Variants in SCD5 observed in about 807,000 individuals in gnomAD.
SCD5 encodes acyl-CoA-desaturase 4.
SCD5 carries 20 observed loss-of-function variants against 30.4 expected under a neutral mutation model. The observed-to-expected ratio is 0.66, with a 90% CI of 0.46 to 0.96. SCD5 has a LOEUF of 0.96. Among genes scored for constraint, SCD5 ranks in the 40% least tolerant of loss-of-function variants. SCD5 has a pLI of 0.00. For missense variants in SCD5, 381 were observed against 443.3 expected, an observed-to-expected ratio of 0.86 and a Z score of 1.26; for synonymous variants, 173 against 176.4, an observed-to-expected ratio of 0.98 and a Z score of 0.16.
chr4:82,722,071 GTTTA>G (rs1329394350), intron 1 of SCD5, among the ~76,000 whole-genome samples: 1 of 152,194 alleles, frequency 6.6e-6, no homozygotes, highest in Non-Finnish European at 1.5e-5. Flanking sequence ...ACTAAGCAGT[GTTTA>G]TTTATTACTA....
At chr4:82,702,713 T>A (rs1281428592) in intron 2 of SCD5, among the ~76,000 whole-genome samples, 2 of 152,138 alleles carry the variant, frequency 1.3e-5, no homozygotes, top group East Asian at 3.8e-4. Flanking sequence ...AGAGAATCTT[T>A]GAAACTATCT....
rs528841874 is a variant in SCD5, at chr4:82,757,960, T to G, written c.232+40346A>C. Among the ~76,000 whole-genome samples, 4 of 152,364 alleles carry G rather than the reference T, an allele frequency of 2.6e-5. No homozygotes were observed. In the South Asian group the frequency reaches 8.3e-4, roughly 32 times the overall value. ...AGATTATCTTGAAGATGATGTTCAT[T>G]TGGCTGCTCTGGAGAAGTCAAAAAA... On this transcript the variant is annotated intron_variant, in intron 1 of 4. Coordinates refer to ENST00000319540, the MANE Select transcript of SCD5 (RefSeq NM_001037582.3).
chr4:82,694,326 G>A (rs1424280353), intron 2 of SCD5, among the ~76,000 whole-genome samples: 1 of 152,208 alleles, frequency 6.6e-6, no homozygotes, highest in East Asian at 1.9e-4. Flanking sequence ...GTTCCCTTCT[G>A]CTGGGCGGAG....
intron 2 of SCD5, chr4:82,691,834 G>A (rs143782009): frequency 2.0e-5 from 3 of 153,118 alleles, no homozygotes; most frequent in African/African-American, 7.2e-5. Context: ...TGGTGCTGTA[G>A]ATCCCGCAGT....
Position 82,630,267 on chromosome 4 carries a change from A to G in SCD5, c.*1060T>C, listed in dbSNP as rs1006701145. 2 of 152,242 alleles carry G rather than the reference A, an allele frequency of 1.3e-5. No individual in the cohort carries two copies. Among genetic ancestry groups the G allele is most frequent in the Non-Finnish European group, 2.9e-5 (2 of 68,038 alleles). The allele number at this position is 152,242 out of a possible 1,614,324, so 9.4% of individuals were successfully genotyped here. Reference sequence around the variant, plus strand: ...GAAACAAAGACAGTAGAGCATTAACAAGCTGTAAACACAGCAAAAAAATAA... The same window carrying G: ...GAAACAAAGACAGTAGAGCATTAACGAGCTGTAAACACAGCAAAAAAATAA... On this transcript the variant is annotated 3_prime_UTR_variant, in exon 5 of 5. Coordinates refer to ENST00000319540, the MANE Select transcript of SCD5 (RefSeq NM_001037582.3).
intron 3 of SCD5, among the ~76,000 whole-genome samples, chr4:82,654,991 G>A (rs910145687): frequency 5.9e-5 from 9 of 152,194 alleles, no homozygotes; most frequent in African/African-American, 9.7e-5. Flanking sequence ...AATGAGAGCC[G>A]TCAAGAGAAG....
chr4:82,725,306 T>A (rs1253194783), intron 1 of SCD5, among the ~76,000 whole-genome samples: 3 of 152,196 alleles, frequency 2.0e-5, no homozygotes, highest in African/African-American at 4.8e-5. Context: ...AAACTTTGAA[T>A]GTGAATTCAG....
At chr4:82,648,817 A>G (rs1360774168) in intron 3 of SCD5, among the ~76,000 whole-genome samples, 1 of 152,158 alleles carries the variant, frequency 6.6e-6, no homozygotes, top group Admixed American at 6.5e-5. Context: ...TCAAGAACAC[A>G]TGGGCTCTCG....
At chr4:82,722,005 C>A (rs74804837) in intron 1 of SCD5, among the ~76,000 whole-genome samples, 5,022 of 152,296 alleles carry the variant, frequency 0.033, 279 homozygotes, top group African/African-American at 0.11. Flanking sequence ...CTGTTGCACA[C>A]TGGGGACAGT....
At chr4:82,696,369 G>A (rs1719695679) in intron 2 of SCD5, among the ~76,000 whole-genome samples, 1 of 152,180 alleles carries the variant, frequency 6.6e-6, no homozygotes. Flanking sequence ...CAGGATGATT[G>A]AAAAGCCTGG....
chr4:82,761,765 A>G (rs1721375899), intron 1 of SCD5, among the ~76,000 whole-genome samples: 1 of 150,174 alleles, frequency 6.7e-6, no homozygotes, highest in Non-Finnish European at 1.5e-5. Context: ...AGAGTGTGAT[A>G]TTCCCCTTCC....
chr4:82,667,258 G>T (rs1728208518), intron 3 of SCD5, among the ~76,000 whole-genome samples: 1 of 143,272 alleles, frequency 7.0e-6, no homozygotes, highest in Non-Finnish European at 1.5e-5. Flanking sequence ...AATGCAGTTG[G>T]TGTATTTTTA....
At position 82,639,746 on chromosome 4, in the gene SCD5, C is replaced by T. The variant is rs146182275; in HGVS notation, c.570-2923G>A. ...TTGGCTCTGCTACTTCTTGTCCGCA[C>T]CTCTAAGGAGGAAAGCAAACAACTG... On this transcript the variant is annotated intron_variant, in intron 3 of 4. Coordinates refer to ENST00000319540, the MANE Select transcript of SCD5 (RefSeq NM_001037582.3). Among the ~76,000 whole-genome samples the T allele has an allele frequency of 8.4e-3, 1,274 of 152,344 alleles. 24 individuals are homozygous for T. Among genetic ancestry groups the T allele is most frequent in the African/African-American group, 0.029 (1,199 of 41,584 alleles).
chr4:82,653,715 G>GAT lies in SCD5; in HGVS notation c.570-16894_570-16893dup, dbSNP rs1229046084. On this transcript the variant is annotated intron_variant, in intron 3 of 4. Transcript: ENST00000319540. ...ATAGATAGATAGATAGATATAGATA[G>GAT]ATAGATAGATATAGATAGATAGGCT... Among the ~76,000 whole-genome samples, 12 of 151,798 alleles carry GAT rather than the reference G, an allele frequency of 7.9e-5. No homozygotes were observed. In the South Asian group the frequency reaches 1.5e-3, roughly 19 times the overall value.
intron 1 of SCD5, among the ~76,000 whole-genome samples, chr4:82,705,805 G>A (rs1339366675): frequency 6.6e-6 from 1 of 152,216 alleles, no homozygotes; most frequent in Non-Finnish European, 1.5e-5. Context: ...ATGACAGGGT[G>A]AGTGTTATGT....
chr4:82,761,900 T>C (rs1057065295), intron 1 of SCD5, among the ~76,000 whole-genome samples: 1 of 151,944 alleles, frequency 6.6e-6, no homozygotes, highest in South Asian at 2.1e-4. Flanking sequence ...TGGCCGGGCG[T>C]AGTGGCTCAT....
intron 1 of SCD5, among the ~76,000 whole-genome samples, chr4:82,767,998 T>C (rs1477083761): frequency 6.6e-6 from 1 of 152,140 alleles, no homozygotes; most frequent in Non-Finnish European, 1.5e-5. Context: ...GTGTCAAACT[T>C]ACAAGAAAAA....
intron 4 of SCD5, among the ~76,000 whole-genome samples, chr4:82,635,921 T>C (rs1336849661): frequency 6.6e-6 from 1 of 152,132 alleles, no homozygotes; most frequent in Non-Finnish European, 1.5e-5. Flanking sequence ...AGGCCTTTTT[T>C]CTTAAGCTCT....
At chr4:82,717,179 C>G (rs1161602017) in intron 1 of SCD5, among the ~76,000 whole-genome samples, 1 of 151,696 alleles carries the variant, frequency 6.6e-6, no homozygotes, top group Non-Finnish European at 1.5e-5. Flanking sequence ...CTGCAAACAC[C>G]ATTATTTTTA....
Sources: gnomAD v4.1 joint callset for allele counts (sites outside exome capture counted in the v4.1 genomes callset) on GRCh38, gnomAD v4.1.1 for gene constraint, MANE v1.5 for transcripts, NCBI Gene and HGNC (gene_info 2026-07-23, HGNC 2026-07-21) for gene names.